The following CD109 variants were observed in gnomAD, a reference collection of about 807,000 sequenced individuals.
CD109 encodes CD109 antigen.
In CD109, 149 loss-of-function variants were observed where a neutral mutation model predicts 165.8. That is an observed-to-expected ratio of 0.90 (90% CI 0.79 to 1.03). The LOEUF (loss-of-function observed/expected upper bound fraction) is 1.03, where lower values mean the gene tolerates loss of function less well. Among genes scored for constraint, CD109 ranks in the 50% least tolerant of loss-of-function variants. CD109 has a pLI of 0.00. For missense variants in CD109, 1,712 were observed against 1,677.8 expected (o/e 1.02, Z -0.36); for synonymous variants, 585 against 592.1 (o/e 0.99, Z 0.18).
At chr6:73,698,490 A>C (rs541011033) in intron 2 of CD109, among the ~76,000 whole-genome samples, 1 of 152,130 alleles carries the variant, frequency 6.6e-6, no homozygotes, top group African/African-American at 2.4e-5. Flanking sequence ...TGGCCGAGAC[A>C]TACATTTTTA....
chr6:73,696,259 T>A lies in CD109; in HGVS notation c.44T>A (p.Val15Glu), dbSNP rs1381185491. 6.5e-7 allele frequency: 1 copy of A among 1,536,976 alleles called. No individual in the cohort carries two copies. Among genetic ancestry groups the A allele is most frequent in the Non-Finnish European group, 8.7e-7 (1 of 1,146,832 alleles). Residue 15 changes from valine to glutamate, a missense_variant, in exon 1 of 33, where the codon GTG becomes GAG. Physicochemically the swap from Val to Glu is moderately radical, Grantham distance 121. Transcript: ENST00000287097. Reference sequence around the variant, plus strand: ...CTGACCGCCGCCCACCTCCTCTGCGTGTGCACCGCCGCGCTGGCCGTGGCT... The same window carrying A: ...CTGACCGCCGCCCACCTCCTCTGCGAGTGCACCGCCGCGCTGGCCGTGGCT... ...PLLTAAHLLC[V>E]CTAALAVAPG...
intron 6 of CD109, among the ~76,000 whole-genome samples, chr6:73,758,599 G>T (rs1275634768): frequency 6.6e-6 from 1 of 152,018 alleles, no homozygotes; most frequent in African/African-American, 2.4e-5. Context: ...GGCCAGGCTG[G>T]TCTTGAACTC....
chr6:73,803,343 G>A (rs771230466), intron 24 of CD109, 42 bp downstream of exon 24: 1 of 1,466,696 alleles, frequency 6.8e-7, no homozygotes, highest in Non-Finnish European at 9.5e-7. Context: ...GTCATGGAAT[G>A]GGCTTTCACT....
chr6:73,762,680 T>C (rs1303746918), intron 8 of CD109, 61 bp from the exon 9 acceptor site: 1 of 1,396,388 alleles, frequency 7.2e-7, no homozygotes, highest in African/African-American at 1.4e-5. Context: ...TAGTTTGAGT[T>C]TTATTTCTAA....
At chr6:73,769,025 A>G (rs1222399898) in intron 14 of CD109, among the ~76,000 whole-genome samples, 1 of 151,990 alleles carries the variant, frequency 6.6e-6, no homozygotes, top group African/African-American at 2.4e-5. Context: ...GTATTTATTT[A>G]TTTTTTGAGA....
chr6:73,774,355 C>T (rs1173586171), intron 15 of CD109, among the ~76,000 whole-genome samples: 1 of 152,188 alleles, frequency 6.6e-6, no homozygotes, highest in Non-Finnish European at 1.5e-5. Context: ...GAGGACTAGC[C>T]TCATGGACTA....
rs554924696 is a variant in CD109 at position 73,716,019 on chromosome 6, A to G, written c.248-7232A>G. ...TTTTTAGCTACCACAAATAAGTGAG[A>G]ACATGCAAAGTTTGTCTTTCTGTGT... On this transcript the variant is annotated intron_variant, in intron 2 of 32. Transcript: ENST00000287097. 5.3e-5 allele frequency among the ~76,000 whole-genome samples: 8 copies of G among 152,342 alleles called. No individual in the cohort carries two copies. In the South Asian group the frequency reaches 1.2e-3, roughly 24 times the overall value.
chr6:73,725,529 A>T, intron 3 of CD109, among the ~76,000 whole-genome samples: 1 of 32,734 alleles, frequency 3.1e-5, no homozygotes, highest in African/African-American at 1.5e-4. Context: ...TTTTTTTGAG[A>T]CAGAGTTTCT....
intron 30 of CD109, among the ~76,000 whole-genome samples, chr6:73,818,093 A>G (rs74931398): frequency 0.024 from 3,615 of 152,278 alleles, 161 homozygotes; most frequent in African/African-American, 0.082. Context: ...GAAAGGATGT[A>G]TATTGTACTG....
chr6:73,716,574 T>A (rs1312352281), intron 2 of CD109, among the ~76,000 whole-genome samples: 1 of 152,236 alleles, frequency 6.6e-6, no homozygotes, highest in Non-Finnish European at 1.5e-5. Context: ...GCCATTTGTA[T>A]GTCTTCTTTC....
At chr6:73,781,782 C>CAG (rs1270855225) in intron 17 of CD109, among the ~76,000 whole-genome samples, 2 of 140,728 alleles carry the variant, frequency 1.4e-5, no homozygotes, top group African/African-American at 2.6e-5. Flanking sequence ...GACACAGACA[C>CAG]ACACACACAC....
intron 6 of CD109, 28 bp downstream of exon 6, chr6:73,756,710 G>GA (rs1275607900): frequency 3.5e-6 from 5 of 1,441,614 alleles, no homozygotes; most frequent in South Asian, 1.4e-5. Context: ...TATTTTGGAA[G>GA]AAAAAAACAT....
chr6:73,761,017 ACACACACACACACAC>A (rs1773604073), intron 7 of CD109, among the ~76,000 whole-genome samples: 2 of 1,284 alleles, frequency 1.6e-3, no homozygotes, highest in African/African-American at 1.3e-3. Flanking sequence ...GTGTCTAAAC[ACACACACACACACAC>A]ACACACACAC....
intron 6 of CD109, 77 bp downstream of exon 6, chr6:73,756,759 A>G: frequency 1.9e-6 from 2 of 1,027,606 alleles, no homozygotes; most frequent in Non-Finnish European, 2.8e-6. Context: ...TTTTTAAGAG[A>G]TGTATTATTT....
At chr6:73,697,691 A>C in intron 2 of CD109, 119 bp downstream of exon 2, 1 of 738,310 alleles carries the variant, frequency 1.4e-6, no homozygotes, top group African/African-American at 1.8e-5. Context: ...TACCTAATAT[A>C]CTTTTAATTC....
At chr6:73,754,747 G>A (rs1773321112) in intron 5 of CD109, among the ~76,000 whole-genome samples, 1 of 152,234 alleles carries the variant, frequency 6.6e-6, no homozygotes, top group African/African-American at 2.4e-5. Flanking sequence ...TGATCAAAAA[G>A]TGAAGTAGTA....
intron 3 of CD109, among the ~76,000 whole-genome samples, chr6:73,724,189 A>G (rs75206724): frequency 0.016 from 2,400 of 152,286 alleles, 27 homozygotes; most frequent in Non-Finnish European, 0.023. Flanking sequence ...TAAATTTTGC[A>G]CCTTAGACAA....
intron 3 of CD109, among the ~76,000 whole-genome samples, chr6:73,729,791 G>A (rs1187099292): frequency 3.9e-5 from 6 of 152,020 alleles, no homozygotes; most frequent in African/African-American, 1.4e-4. Flanking sequence ...TGGGATTACA[G>A]GTGTGAGTTA....
intron 6 of CD109, among the ~76,000 whole-genome samples, chr6:73,757,285 G>C (rs1168842161): frequency 6.6e-6 from 1 of 152,134 alleles, no homozygotes; most frequent in African/African-American, 2.4e-5. Context: ...TTAGGCAGTA[G>C]AAATTATAAT....
Sources: allele counts gnomAD v4.1 joint callset (sites outside exome capture counted in the v4.1 genomes callset), GRCh38; gene constraint gnomAD v4.1.1; transcripts MANE v1.5; gene names NCBI Gene and HGNC (gene_info 2026-07-23, HGNC 2026-07-21).